Variants in TRPM7 observed in about 807,000 individuals in gnomAD.
The protein encoded by TRPM7 is transient receptor potential cation channel subfamily M member 7.
In TRPM7, 134 loss-of-function variants were observed where a neutral mutation model predicts 229.7. That is an observed-to-expected ratio of 0.58 (90% CI 0.51 to 0.67). TRPM7 has a LOEUF of 0.67. Ranked by LOEUF, TRPM7 falls within the 30% of genes least tolerant of loss-of-function variation. TRPM7 has a pLI of 0.00. For missense variants in TRPM7, 1,901 were observed against 2,210.0 expected (o/e 0.86, Z 2.80); for synonymous variants, 699 against 715.2 (o/e 0.98, Z 0.36).
chr15:50,626,274 T>G (rs1401778736), intron 11 of TRPM7, among the ~76,000 whole-genome samples: 2 of 152,130 alleles, frequency 1.3e-5, no homozygotes, highest in Non-Finnish European at 2.9e-5. Flanking sequence ...ATTCTTAATT[T>G]ATGTAATTAC....
At chr15:50,679,536 A>ATTTTT (rs1269564931) in intron 1 of TRPM7, among the ~76,000 whole-genome samples, 1 of 48,960 alleles carries the variant, frequency 2.0e-5, no homozygotes, top group African/African-American at 1.4e-4. Flanking sequence ...ATATATATAT[A>ATTTTT]TATTTTTTTT....
At chr15:50,666,757 G>A (rs1023789004) in intron 1 of TRPM7, among the ~76,000 whole-genome samples, 4 of 151,396 alleles carry the variant, frequency 2.6e-5, no homozygotes, top group Admixed American at 1.3e-4. Context: ...AGCCGAGATC[G>A]TGCCATTGCA....
At chr15:50,677,738 C>CAAAAA (rs10652951) in intron 1 of TRPM7, among the ~76,000 whole-genome samples, 77 of 37,878 alleles carry the variant, frequency 2.0e-3, no homozygotes, top group African/African-American at 3.2e-3. Flanking sequence ...GACCCCGTAT[C>CAAAAA]AAAAAAAAAA....
At position 50,619,777 on chromosome 15, in the gene TRPM7, T is replaced by A. The variant is rs771694101; in HGVS notation, c.1462A>T (p.Met488Leu). ...YNTKQGPTNP[M>L]LFHLVRDVKQ... ...ACGTCTCGAACAAGATGAAACAGCA[T>A]TGGATTAGTTGGACCTTGTTTCTTT... The change falls in exon 13 of 39, where the codon ATG becomes TTG. Residue 488 changes from methionine to leucine, a missense_variant. By Grantham distance (15) the Met-to-Leu change is conservative. Coordinates refer to ENST00000646667, the MANE Select transcript of TRPM7 (RefSeq NM_017672.6). The A allele has an allele frequency of 6.2e-7, 1 of 1,600,328 alleles. No homozygotes were observed. Among genetic ancestry groups the A allele is most frequent in the Non-Finnish European group, 8.5e-7 (1 of 1,176,246 alleles).
chr15:50,589,525 T>G (rs2059430989), intron 27 of TRPM7, 67 bp downstream of exon 27: 1 of 1,136,746 alleles, frequency 8.8e-7, no homozygotes, highest in Admixed American at 2.3e-5. Flanking sequence ...TTTAATTAAA[T>G]TTTGAACTAA....
intron 2 of TRPM7, among the ~76,000 whole-genome samples, chr15:50,658,733 T>C (rs1245941044): frequency 2.0e-5 from 3 of 152,220 alleles, no homozygotes; most frequent in East Asian, 1.9e-4. Flanking sequence ...TCTAAAAGCA[T>C]AGGCTAAAAC....
In TRPM7 at chr15:50,613,788, T is replaced by G; in HGVS notation, c.1689A>C (p.Glu563Asp). 6.2e-7 allele frequency: 1 copy of G among 1,614,002 alleles called. No homozygotes were observed. Among genetic ancestry groups the G allele is most frequent in the Non-Finnish European group, 8.5e-7 (1 of 1,179,954 alleles). ...SSTPQLRKSHESFGNRADKKE... is the reference protein window; with the variant it reads ...SSTPQLRKSHDSFGNRADKKE... Reference sequence around the variant, plus strand: ...TTTTATCTGCCCTATTGCCAAAAGATTCATGACTCTTTCGCAACTGAGGAG... The same window carrying G: ...TTTTATCTGCCCTATTGCCAAAAGAGTCATGACTCTTTCGCAACTGAGGAG... The change falls in exon 15 of 39, where the codon GAA becomes GAC. Residue 563 changes from glutamate to aspartate, a missense_variant. By Grantham distance (45) the Glu-to-Asp change is conservative (BLOSUM62 2). Around this residue, in one of 8 missense-constraint regions of TRPM7, gnomAD observed 794 missense variants for 881.9 expected, o/e 0.90. Coordinates refer to ENST00000646667, the MANE Select transcript of TRPM7 (RefSeq NM_017672.6).
chr15:50,604,877 T>C lies in TRPM7; in HGVS notation c.2977A>G (p.Ile993Val). ...ATCTGTCAACTTACCATTTTTCCAA[T>C]CATCATTACATAAGGTCCTGCCTGT... ...NQQAGPYVMM[I>V]GKMVANMFYI... is the part of the protein sequence containing the mutation. The change falls in exon 21 of 39, where the codon ATT becomes GTT. Residue 993 changes from isoleucine (I) to valine (V), a missense_variant. Ile to Val is a conservative substitution (Grantham distance 29). Coordinates refer to ENST00000646667, the MANE Select transcript of TRPM7 (RefSeq NM_017672.6). The C allele has an allele frequency of 6.4e-7, 1 of 1,566,518 alleles. No homozygotes were observed. The highest frequency in any genetic ancestry group is 8.6e-7 in the Non-Finnish European group (1 of 1,156,620).
intron 30 of TRPM7, among the ~76,000 whole-genome samples, chr15:50,580,274 AAC>A (rs549360965): frequency 1.5e-4 from 23 of 152,184 alleles, no homozygotes; most frequent in Non-Finnish European, 2.8e-4. Context: ...CTAGGATGGA[AAC>A]ACAGAGATTA....
intron 38 of TRPM7, among the ~76,000 whole-genome samples, chr15:50,562,594 G>A (rs2053365647): frequency 6.6e-6 from 1 of 151,924 alleles, no homozygotes. Context: ...ACATGGTGAA[G>A]TCTCTTGTCT....
At chr15:50,609,372 T>C (rs2060002637) in intron 19 of TRPM7, among the ~76,000 whole-genome samples, 2 of 152,160 alleles carry the variant, frequency 1.3e-5, no homozygotes, top group South Asian at 2.1e-4. Flanking sequence ...AAGTACATTT[T>C]TGGTTCCAAT....
chr15:50,594,390 GATAAA>G, intron 24 of TRPM7, 34 bp downstream of exon 24: 1 of 1,494,574 alleles, frequency 6.7e-7, no homozygotes, highest in Non-Finnish European at 9.1e-7. Context: ...AATGAGAAGT[GATAAA>G]ATGAAAACAT....
chr15:50,592,043 G>A lies in TRPM7; in HGVS notation c.4192C>T (p.Pro1398Ser). 6.2e-7 allele frequency: 1 copy of A among 1,613,416 alleles called. No individual in the cohort carries two copies. Among genetic ancestry groups the A allele is most frequent in the Non-Finnish European group, 8.5e-7 (1 of 1,179,760 alleles). ...STSIPHLSSP[P>S]TKFFVSTPSQ... ...GGTGTACTAACAAAAAATTTGGTTG[G>A]TGGGGATGACAGATGTGGTATGCTA... The change falls in exon 26 of 39, where the codon CCA becomes TCA. Residue 1398 changes from proline to serine, a missense_variant. Transcript: ENST00000646667.
chr15:50,679,534 ATATATTT>A lies in TRPM7; in HGVS notation c.3+6990_3+6996del, dbSNP rs1567129530. On this transcript the variant is annotated intron_variant, in intron 1 of 38. Transcript: ENST00000646667. ...ATAATATATATATATATATATATAT[ATATATTT>A]TTTTTTTTTTTTGAGACAGAGTCTT... 7.0e-3 allele frequency among the ~76,000 whole-genome samples: 405 copies of A among 57,654 alleles called. 2 individuals are homozygous for A. Among genetic ancestry groups the A allele is most frequent in the Admixed American group, 0.014 (82 of 5,818 alleles). The allele number at this position is 57,654 out of a possible 152,430, so 37.8% of individuals were successfully genotyped here.
chr15:50,681,691 C>T (rs1313942471), intron 1 of TRPM7, among the ~76,000 whole-genome samples: 1 of 152,176 alleles, frequency 6.6e-6, no homozygotes, highest in Non-Finnish European at 1.5e-5. Flanking sequence ...GCTCACTTTC[C>T]ACAAGGAGCT....
At chr15:50,613,275 G>A (rs1435250343) in intron 15 of TRPM7, among the ~76,000 whole-genome samples, 2 of 152,092 alleles carry the variant, frequency 1.3e-5, no homozygotes, top group African/African-American at 4.8e-5. Flanking sequence ...AGGCTGAGGA[G>A]GATGGATCAC....
intron 13 of TRPM7, among the ~76,000 whole-genome samples, chr15:50,617,336 A>T (rs143369945): frequency 0.48 from 50,502 of 105,378 alleles, 9,801 homozygotes; most frequent in Admixed American, 0.56. Flanking sequence ...ACTCCATCTC[A>T]AAAAAAAAAA....
intron 1 of TRPM7, among the ~76,000 whole-genome samples, chr15:50,678,156 G>T (rs1167404893): frequency 6.6e-6 from 1 of 150,536 alleles, no homozygotes; most frequent in Non-Finnish European, 1.5e-5. Context: ...CAGGAGGATG[G>T]CGTGAACCCA....
chr15:50,589,683 T>G (rs750174756), intron 26 of TRPM7, 27 bp from the exon 27 acceptor site: 1 of 1,496,170 alleles, frequency 6.7e-7, no homozygotes, highest in Non-Finnish European at 9.1e-7. Context: ...GATGTTGCAA[T>G]GAGAAATTTT....
Sources: gnomAD v4.1 joint callset for allele counts (sites outside exome capture counted in the v4.1 genomes callset) on GRCh38, gnomAD v4.1.1 for gene constraint, gnomAD v4.1.1 regional missense constraint, MANE v1.5 for transcripts, NCBI Gene and HGNC (gene_info 2026-07-23, HGNC 2026-07-21) for gene names.